GDPD4: variants seen among roughly 807,000 people sequenced by gnomAD.
The protein encoded by GDPD4 is glycerophosphodiester phosphodiesterase domain containing 4.
Under a neutral mutation model 67.8 loss-of-function variants are expected in GDPD4, and 60 were observed. The observed-to-expected ratio is 0.88, with a 90% CI of 0.72 to 1.10. The LOEUF (loss-of-function observed/expected upper bound fraction) is 1.10. Ranked by LOEUF, GDPD4 falls within the 50% of genes least tolerant of loss-of-function variation. The pLI, the probability that GDPD4 is intolerant of heterozygous loss-of-function variation, is 0.00. For missense variants in GDPD4, 623 were observed against 613.9 expected, an observed-to-expected ratio of 1.01 and a Z score of -0.16; for synonymous variants, 212 against 210.9, an observed-to-expected ratio of 1.00 and a Z score of -0.04.
intron 13 of GDPD4, among the ~76,000 whole-genome samples, chr11:77,234,481 A>G (rs1341919368): frequency 6.6e-6 from 1 of 152,128 alleles, no homozygotes; most frequent in Non-Finnish European, 1.5e-5. Flanking sequence ...GTAGTTTTCC[A>G]ACCCTTTCCC....
chr11:77,238,712 A>C (rs190711519), intron 13 of GDPD4, among the ~76,000 whole-genome samples: 1 of 152,324 alleles, frequency 6.6e-6, no homozygotes, highest in East Asian at 1.9e-4. Context: ...AAGTCTACCG[A>C]CAAAGAAAAG....
chr11:77,240,562 T>C (rs945884048), intron 13 of GDPD4, among the ~76,000 whole-genome samples: 25 of 152,050 alleles, frequency 1.6e-4, no homozygotes, highest in African/African-American at 5.8e-4. Context: ...CTCCACAACA[T>C]TGGTCTCTGG....
intron 13 of GDPD4, among the ~76,000 whole-genome samples, chr11:77,239,961 G>GAAA (rs35159540): frequency 3.0e-5 from 4 of 133,690 alleles, no homozygotes; most frequent in South Asian, 4.8e-4. Flanking sequence ...GACTGCCTCA[G>GAAA]AAAAAAAAAA....
At chr11:77,230,717 T>G (rs1193283030) in intron 14 of GDPD4, among the ~76,000 whole-genome samples, 11 of 152,136 alleles carry the variant, frequency 7.2e-5, no homozygotes, top group Admixed American at 3.3e-4. Flanking sequence ...GCATACTGTT[T>G]ATAAAAATGA....
chr11:77,282,708 C>A (rs79846024), intron 3 of GDPD4, among the ~76,000 whole-genome samples: 2,748 of 144,104 alleles, frequency 0.019, 91 homozygotes, highest in African/African-American at 0.062. Flanking sequence ...ACAACAACAA[C>A]AAAAAAAAAA....
Position 77,271,206 on chromosome 11 carries a change from C to G in GDPD4, c.324G>C (p.Val108=). 6.2e-7 allele frequency: 1 copy of G among 1,613,134 alleles called. No homozygotes were observed. The highest frequency in any genetic ancestry group is 8.5e-7 in the Non-Finnish European group (1 of 1,179,694). The change falls in exon 7 of 17, where the codon GTG becomes GTC. Residue 108 remains valine, a synonymous_variant. Coordinates refer to ENST00000315938, the MANE Select transcript of GDPD4 (RefSeq NM_182833.3). Reference sequence around the variant, plus strand: ...CCATCACAGTTATGCTGACCAGGTGCACGTAGGGAGCAAAGATCTGTGAGA... The same window carrying G: ...CCATCACAGTTATGCTGACCAGGTGGACGTAGGGAGCAAAGATCTGTGAGA... The part of the protein sequence containing the change: ...GLSMQIFAPY[V]HLVSITVMVI...
chr11:77,279,489 C>A, intron 3 of GDPD4, 90 bp from the exon 4 acceptor site: 1 of 689,294 alleles, frequency 1.5e-6, no homozygotes, highest in Admixed American at 2.3e-5. Context: ...CTAGATAAGG[C>A]ATAAGCAAAT....
At chr11:77,239,075 C>A (rs1160664399) in intron 13 of GDPD4, among the ~76,000 whole-genome samples, 1 of 152,126 alleles carries the variant, frequency 6.6e-6, no homozygotes, top group Non-Finnish European at 1.5e-5. Flanking sequence ...ACTGCATTAA[C>A]AGAATGAAAC....
At chr11:77,254,087 C>G (rs1447620231) in intron 11 of GDPD4, among the ~76,000 whole-genome samples, 1 of 152,132 alleles carries the variant, frequency 6.6e-6, no homozygotes, top group Non-Finnish European at 1.5e-5. Flanking sequence ...GTGAGTAGTT[C>G]CAAGATGGCA....
intron 4 of GDPD4, among the ~76,000 whole-genome samples, chr11:77,277,921 T>C (rs886651438): frequency 6.6e-6 from 1 of 151,984 alleles, no homozygotes; most frequent in Non-Finnish European, 1.5e-5. Context: ...GTCCCAGAGA[T>C]TCTGGTATGT....
chr11:77,279,589 G>C (rs1215439477), intron 3 of GDPD4, among the ~76,000 whole-genome samples, 190 bp from the exon 4 acceptor site: 1 of 144,298 alleles, frequency 6.9e-6, no homozygotes, highest in Non-Finnish European at 1.6e-5. Context: ...TAGGCAATTG[G>C]GGATGTTCAT....
chr11:77,278,208 G>A (rs11607378), intron 4 of GDPD4, among the ~76,000 whole-genome samples: 51,979 of 151,862 alleles, frequency 0.34, 9,165 homozygotes, highest in Admixed American at 0.46. Flanking sequence ...CACCCGCCTC[G>A]GCCTCCCAAA....
intron 1 of GDPD4, among the ~76,000 whole-genome samples, chr11:77,288,706 C>G (rs189232354): frequency 5.9e-5 from 9 of 152,278 alleles, no homozygotes; most frequent in Admixed American, 3.3e-4. Context: ...GCAACTGTTA[C>G]AGCAGATGTG....
At chr11:77,270,732 C>CA (rs1426667127) in intron 7 of GDPD4, among the ~76,000 whole-genome samples, 1 of 151,864 alleles carries the variant, frequency 6.6e-6, no homozygotes, top group African/African-American at 2.4e-5. Flanking sequence ...AACAAACAAA[C>CA]AAAAAAAGAA....
chr11:77,289,818 A>AAGGGAGGG (rs144198548), intron 1 of GDPD4, among the ~76,000 whole-genome samples: 5 of 100,650 alleles, frequency 5.0e-5, no homozygotes, highest in Non-Finnish European at 9.8e-5. Flanking sequence ...GGAGGGAAGG[A>AAGGGAGGG]AGGGAGGGAG....
At chr11:77,224,174 T>G (rs1450661768) in intron 16 of GDPD4, 1 of 152,186 alleles carries the variant, frequency 6.6e-6, no homozygotes, top group South Asian at 2.1e-4. Flanking sequence ...CCTGCCCTGC[T>G]TCTGCTTGCC....
At chr11:77,271,067 T>C (rs1359577165) in intron 7 of GDPD4, 63 bp downstream of exon 7, 10 of 1,110,530 alleles carry the variant, frequency 9.0e-6, no homozygotes, top group African/African-American at 1.6e-5. Context: ...TTTTCCTGAG[T>C]GGAGTATGCA....
chr11:77,217,744 T>C (rs1958151632), intron 16 of GDPD4, among the ~76,000 whole-genome samples: 1 of 152,002 alleles, frequency 6.6e-6, no homozygotes, highest in East Asian at 1.9e-4. Flanking sequence ...ATAAACAATT[T>C]CTGTCCAACA....
intron 11 of GDPD4, among the ~76,000 whole-genome samples, chr11:77,250,069 T>C (rs1332155169): frequency 6.6e-6 from 1 of 152,210 alleles, no homozygotes; most frequent in Admixed American, 6.5e-5. Flanking sequence ...ACATTTTCTC[T>C]TTTATTTGAG....
Sources: gnomAD v4.1 joint callset for allele counts (sites outside exome capture counted in the v4.1 genomes callset) on GRCh38, gnomAD v4.1.1 for gene constraint, MANE v1.5 for transcripts, NCBI Gene and HGNC (gene_info 2026-07-23, HGNC 2026-07-21) for gene names.